Variants in KIF3C observed in about 807,000 individuals in gnomAD.
KIF3C encodes the protein kinesin family member 3C.
Under a neutral mutation model 67.7 loss-of-function variants are expected in KIF3C, and 12 were observed. That is an observed-to-expected ratio of 0.18 (90% CI 0.11 to 0.29). The LOEUF is 0.29. Among genes scored for constraint, KIF3C ranks in the 10% least tolerant of loss-of-function variants. KIF3C has a pLI of 1.00. For missense variants in KIF3C, 789 were observed against 1,059.6 expected, an observed-to-expected ratio of 0.74 and a Z score of 3.55; for synonymous variants, 393 against 426.2, an observed-to-expected ratio of 0.92 and a Z score of 0.96.
intron 1 of KIF3C, among the ~76,000 whole-genome samples, chr2:25,967,384 G>A (rs1206244366): frequency 2.0e-5 from 3 of 152,172 alleles, no homozygotes; most frequent in African/African-American, 7.2e-5. Context: ...GGGAGTCAGG[G>A]TGCTCCAGTC....
rs564013153 is a variant in KIF3C at position 25,935,317 on chromosome 2, G to A, written c.2007-5254C>T. On this transcript the variant is annotated intron_variant, in intron 5 of 7. Coordinates refer to ENST00000264712, the MANE Select transcript of KIF3C (RefSeq NM_002254.8). ...TTTCTCCTCCTAGGAACTTCACTAA[G>A]CAAATAATCAGAGGTAAAGAGAAAA... Among the ~76,000 whole-genome samples, 6 of 151,982 alleles carry A rather than the reference G, an allele frequency of 3.9e-5. No homozygotes were observed. The South Asian group carries it at 8.3e-4, about 21-fold the overall frequency.
chr2:25,956,193 T>G (rs1421188322), intron 2 of KIF3C, 150 bp downstream of exon 2: 1 of 656,494 alleles, frequency 1.5e-6, no homozygotes, highest in African/African-American at 1.8e-5. Flanking sequence ...CCTGGGCTAG[T>G]AGACCTGTGG....
At position 25,932,174 on chromosome 2, in the gene KIF3C, G is replaced by T. The variant is rs186508109; in HGVS notation, c.2007-2111C>A. Among the ~76,000 whole-genome samples the T allele has an allele frequency of 2.5e-3, 375 of 151,528 alleles. 1 individual carries two copies. The highest frequency in any genetic ancestry group is 8.6e-3 in the African/African-American group (355 of 41,304). On this transcript the variant is annotated intron_variant, in intron 5 of 7. Transcript: ENST00000264712. The stretch of plus-strand genomic sequence containing the variant: ...ATGCCACCACATCCAGCTAATTTTT[G>T]TATTTTTAGTAGAGACGGGGTTTCA...
chr2:25,955,624 G>A lies in KIF3C; in HGVS notation c.1687C>T (p.Arg563Trp), dbSNP rs199971094. 184 of 1,614,098 alleles carry A rather than the reference G, an allele frequency of 1.1e-4. No individual in the cohort carries two copies. The highest frequency in any genetic ancestry group is 1.1e-3 in the Admixed American group (67 of 59,998). The change falls in exon 3 of 8, where the codon CGG becomes TGG. Residue 563 changes from arginine to tryptophan, a missense_variant. This residue lies in a region of KIF3C where 648 missense variants were observed against 807.8 expected (regional missense o/e 0.80). Coordinates refer to ENST00000264712, the MANE Select transcript of KIF3C (RefSeq NM_002254.8). The surrounding 1 kb of genome is among the most constrained non-coding windows in gnomAD (Gnocchi z 5.0). ...EREMQQEMML[R>W]DEETMELRGT... Reference sequence around the variant, plus strand: ...CGGAGCTCCATAGTCTCCTCGTCCCGGAGCATCATCTCCTGCTGCATCTCC... The same window carrying A: ...CGGAGCTCCATAGTCTCCTCGTCCCAGAGCATCATCTCCTGCTGCATCTCC...
At chr2:25,940,203 G>A (rs1456661177) in intron 5 of KIF3C, among the ~76,000 whole-genome samples, 2 of 152,054 alleles carry the variant, frequency 1.3e-5, no homozygotes, top group African/African-American at 4.8e-5. Flanking sequence ...TTTCAACCTT[G>A]ACAGTCCTGC....
chr2:25,930,016 T>C lies in KIF3C; in HGVS notation c.2054A>G (p.Lys685Arg), dbSNP rs773087499. ...KKRPTSAVGY[K>R]RPISQYARVA... ...CCGAGCATACTGGCTGATAGGCCTC[T>C]TGTAGCCCACTGCAGATGTTGGCCG... is the stretch of plus-strand genomic sequence containing the variant. The change falls in exon 6 of 8, where the codon AAG becomes AGG. Residue 685 changes from lysine to arginine, a missense_variant. Around this residue, in one of 2 missense-constraint regions of KIF3C, gnomAD observed 648 missense variants for 807.8 expected, o/e 0.80. Transcript: ENST00000264712. The C allele has an allele frequency of 7.4e-6, 12 of 1,614,188 alleles. No homozygotes were observed. In the South Asian group the frequency reaches 1.2e-4, roughly 16 times the overall value.
At chr2:25,951,213 T>C (rs935245806) in intron 5 of KIF3C, among the ~76,000 whole-genome samples, 2 of 152,122 alleles carry the variant, frequency 1.3e-5, no homozygotes, top group Admixed American at 1.3e-4. Context: ...ACCCAGCCAA[T>C]GGCCGCAGCT....
chr2:25,965,515 TC>T (rs939211145), intron 1 of KIF3C, among the ~76,000 whole-genome samples: 1 of 151,808 alleles, frequency 6.6e-6, no homozygotes, highest in African/African-American at 2.4e-5. Flanking sequence ...CGCTCTGTTG[TC>T]CAGGCTGGAG....
chr2:25,980,578 G>A lies in KIF3C; in HGVS notation c.1340C>T (p.Pro447Leu). The A allele has an allele frequency of 6.2e-7, 1 of 1,614,130 alleles. No individual in the cohort carries two copies. Among genetic ancestry groups the A allele is most frequent in the Non-Finnish European group, 8.5e-7 (1 of 1,180,028 alleles). The change falls in exon 1 of 8, where the codon CCC (proline) becomes CTC (leucine). Residue 447 changes from proline (P) to leucine (L), a missense_variant. This residue lies in a region of KIF3C where 648 missense variants were observed against 807.8 expected (regional missense o/e 0.80). Coordinates refer to ENST00000264712, the MANE Select transcript of KIF3C (RefSeq NM_002254.8). This position sits in a 1 kb window ranked among gnomAD's most constrained non-coding sequence, Gnocchi z 7.6. ...DNNNNHRPPQ[P>L]ILESALEKNM... ...CTTCTCCAAGGCTGACTCCAGGATG[G>A]GCTGGGGCGGGCGGTGGTTGTTGTT...
intron 1 of KIF3C, among the ~76,000 whole-genome samples, chr2:25,959,305 A>G (rs796986307): frequency 6.6e-6 from 1 of 152,274 alleles, no homozygotes; most frequent in Middle Eastern, 3.4e-3. Context: ...ATTCATTTAC[A>G]TGCTGTCCCC....
rs1328224099 is a variant in KIF3C at position 25,981,879 on chromosome 2, C to T, written c.39G>A (p.Val13=). 6.3e-7 allele frequency: 1 copy of T among 1,585,358 alleles called. No individual in the cohort carries two copies. The highest frequency in any genetic ancestry group is 8.6e-7 in the Non-Finnish European group (1 of 1,166,582). Residue 13 remains valine, a synonymous_variant, in exon 1 of 8, where the codon GTG becomes GTA. Transcript: ENST00000264712. This position sits in a 1 kb window ranked among gnomAD's most constrained non-coding sequence, Gnocchi z 8.2. Reference sequence around the variant, plus strand: ...TGCTGAGGGGGCGGCACCGGGCCACCACCTTGAGGGCCTCGCTGGCCTTGG... The same window carrying T: ...TGCTGAGGGGGCGGCACCGGGCCACTACCTTGAGGGCCTCGCTGGCCTTGG... ...SKTKASEALK[V]VARCRPLSRK...
intron 5 of KIF3C, among the ~76,000 whole-genome samples, chr2:25,932,941 G>A (rs548766205): frequency 7.9e-5 from 12 of 151,584 alleles, no homozygotes; most frequent in African/African-American, 2.4e-4. Flanking sequence ...CGAACATATA[G>A]ATTAATGAAA....
intron 5 of KIF3C, among the ~76,000 whole-genome samples, chr2:25,946,277 A>T (rs1459291597): frequency 2.0e-5 from 3 of 152,088 alleles, no homozygotes; most frequent in African/African-American, 7.2e-5. Flanking sequence ...GGTGGGGGCC[A>T]GGTGAGGTGG....
At chr2:25,972,084 C>T (rs1023547637) in intron 1 of KIF3C, among the ~76,000 whole-genome samples, 3 of 151,666 alleles carry the variant, frequency 2.0e-5, no homozygotes, top group Admixed American at 1.3e-4. Flanking sequence ...AGAAGAGGTG[C>T]CCCAGACTGG....
At position 25,982,116 on chromosome 2, in the gene KIF3C, C is replaced by T. The variant is rs937257266; in HGVS notation, c.-199G>A. ...TCCGGGCCTCCACCGCTCTCCGGTCCTCTCTGCACCGGCTGGGAGGTGAAT... is the reference window on the plus strand; with the variant it reads ...TCCGGGCCTCCACCGCTCTCCGGTCTTCTCTGCACCGGCTGGGAGGTGAAT... On this transcript the variant is annotated 5_prime_UTR_variant, in exon 1 of 8. Transcript: ENST00000264712. 4 of 505,554 alleles carry T rather than the reference C, an allele frequency of 7.9e-6. No homozygotes were observed. Among genetic ancestry groups the T allele is most frequent in the Non-Finnish European group, 1.4e-5 (4 of 287,256 alleles). The allele number at this position is 505,554 out of a possible 1,614,324, so 31.3% of individuals were successfully genotyped here. A position where few individuals can be genotyped will look rare whatever the true frequency, so the allele number is the denominator to read the frequency against.
At chr2:25,972,835 C>T (rs1371610370) in intron 1 of KIF3C, among the ~76,000 whole-genome samples, 1 of 152,158 alleles carries the variant, frequency 6.6e-6, no homozygotes, top group East Asian at 1.9e-4. Flanking sequence ...CCCACTCTAC[C>T]TCCCCACCTC....
Position 25,956,408 on chromosome 2 carries a change from T to A in KIF3C, c.1582A>T (p.Ile528Phe). The change falls in exon 2 of 8, where the codon ATC (isoleucine) becomes TTC (phenylalanine). Residue 528 changes from isoleucine to phenylalanine, a missense_variant. This residue lies in a region of KIF3C where 648 missense variants were observed against 807.8 expected (regional missense o/e 0.80). Coordinates refer to ENST00000264712, the MANE Select transcript of KIF3C (RefSeq NM_002254.8). The part of the protein sequence containing the change: ...ESKLLIGGRN[I>F]MDHTNEQQKM... ...TGCTGTTCGTTGGTGTGATCCATGA[T>A]GTTCCTGCCCCCGATGAGGAGCTTG... The A allele has an allele frequency of 6.2e-7, 1 of 1,614,168 alleles. No individual in the cohort carries two copies. The highest frequency in any genetic ancestry group is 8.5e-7 in the Non-Finnish European group (1 of 1,180,030).
intron 5 of KIF3C, among the ~76,000 whole-genome samples, chr2:25,934,972 A>C (rs796811473): frequency 1.3e-5 from 2 of 151,940 alleles, no homozygotes; most frequent in African/African-American, 4.8e-5. Context: ...GGCCAGGCGC[A>C]GTGGCTCATG....
At chr2:25,967,234 G>C (rs759977197) in intron 1 of KIF3C, among the ~76,000 whole-genome samples, 3 of 152,160 alleles carry the variant, frequency 2.0e-5, no homozygotes, top group African/African-American at 4.8e-5. Context: ...AAGTGGGTTA[G>C]AGCTCTTAAC....
Sources: allele counts gnomAD v4.1 joint callset (sites outside exome capture counted in the v4.1 genomes callset), GRCh38; gene constraint gnomAD v4.1.1; regional missense constraint gnomAD v4.1.1; non-coding constraint Gnocchi (gnomAD v3.1); transcripts MANE v1.5; gene names NCBI Gene and HGNC (gene_info 2026-07-23, HGNC 2026-07-21).